The following NFATC2 variants were observed in gnomAD, a reference collection of about 807,000 sequenced individuals.
NFATC2 encodes the protein nuclear factor of activated T cells 2, also known as nuclear factor of activated T-cells, cytoplasmic 2.
In NFATC2, 22 loss-of-function variants were observed where a neutral mutation model predicts 87.3. That is an observed-to-expected ratio of 0.25 (90% CI 0.18 to 0.36). The LOEUF is 0.36. NFATC2 is among the 10% of genes least tolerant of loss of function. The pLI, the probability that NFATC2 is intolerant of heterozygous loss-of-function variation, is 1.00. For synonymous variants in NFATC2, 565 were observed against 542.2 expected (o/e 1.04, Z -0.58); for missense variants, 1,149 against 1,259.1 (o/e 0.91, Z 1.32).
chr20:51,477,577 A>G (rs1988861568), intron 3 of NFATC2, among the ~76,000 whole-genome samples: 1 of 86,374 alleles, frequency 1.2e-5, no homozygotes, highest in East Asian at 2.4e-4. Context: ...ATATATATAT[A>G]TATAAAATAA....
At chr20:51,504,278 T>C (rs1231708416) in intron 3 of NFATC2, among the ~76,000 whole-genome samples, 1 of 152,144 alleles carries the variant, frequency 6.6e-6, no homozygotes, top group Non-Finnish European at 1.5e-5. Flanking sequence ...CGCCTCAGCC[T>C]CCCAAAGTGC....
intron 1 of NFATC2, among the ~76,000 whole-genome samples, chr20:51,552,655 C>G (rs1262158629): frequency 1.3e-5 from 2 of 152,100 alleles, no homozygotes; most frequent in South Asian, 2.1e-4. Context: ...CTACTAAAAG[C>G]CAACACCCAA....
chr20:51,408,382 T>C (rs1052894130), intron 9 of NFATC2, among the ~76,000 whole-genome samples: 2 of 151,466 alleles, frequency 1.3e-5, no homozygotes, highest in Non-Finnish European at 2.9e-5. Context: ...GGTGTGGTAG[T>C]GTGTGCCTGT....
intron 3 of NFATC2, among the ~76,000 whole-genome samples, chr20:51,498,859 G>A (rs1243959855): frequency 1.3e-5 from 2 of 152,212 alleles, no homozygotes; most frequent in Non-Finnish European, 2.9e-5. Context: ...GGAGAATCAG[G>A]GGAAGCTGCT....
rs558891394 is a variant in NFATC2 at position 51,562,335 on chromosome 20, C to T, written c.70+225G>A. 2.0e-5 allele frequency among the ~76,000 whole-genome samples: 3 copies of T among 152,204 alleles called. No homozygotes were observed. The highest frequency in any genetic ancestry group is 6.5e-5 in the Admixed American group (1 of 15,290). On this transcript the variant is annotated intron_variant, in intron 1 of 10. Coordinates refer to the NFATC2 transcript ENST00000414705. This position sits in a 1 kb window ranked among gnomAD's most constrained non-coding sequence, Gnocchi z 5.8. The stretch of plus-strand genomic sequence containing the variant: ...CCCGGCCTGGGACACTTCCCTGCCC[C>T]CGCGTAAAGTTGTCCAAAGTCGCCT...
At chr20:51,542,872 C>T (rs990035597), upstream of NFATC2, among the ~76,000 whole-genome samples, 2 of 151,158 alleles carry the variant, frequency 1.3e-5, no homozygotes, top group African/African-American at 4.9e-5. Flanking sequence ...AGGAAGGAGG[C>T]TGTCCGCGGA....
In NFATC2 at chr20:51,387,825, C is replaced by T. The variant is rs1296336960; in HGVS notation, c.*3671G>A. ...TAAACTTGAAATGAAAACATTCTTT[C>T]AATTCTGAGCAATAGAAAGCACTTG... On this transcript the variant is annotated 3_prime_UTR_variant, in exon 11 of 11. Transcript: ENST00000371564. 6.8e-6 allele frequency: 1 copy of T among 146,014 alleles called. No homozygotes were observed. Among genetic ancestry groups the T allele is most frequent in the Non-Finnish European group, 1.5e-5 (1 of 66,414 alleles). The allele number at this position is 146,014 out of a possible 1,614,324, so 9.0% of individuals were successfully genotyped here.
chr20:51,524,991 G>A lies in NFATC2; in HGVS notation c.131-881C>T, dbSNP rs139187080. On this transcript the variant is annotated intron_variant, in intron 1 of 10. Transcript: ENST00000371564. This position sits in a 1 kb window ranked among gnomAD's most constrained non-coding sequence, Gnocchi z 4.0. ...TCCCGGCACTTCGGGAGGCTGAGGC[G>A]GGCAGATCACTTGCGGTCAGGAGTT... Among the ~76,000 whole-genome samples the A allele has an allele frequency of 0.039, 5,914 of 152,096 alleles. 133 individuals are homozygous for A. The highest frequency in any genetic ancestry group is 0.072 in the South Asian group (346 of 4,814).
chr20:51,399,572 C>T lies in NFATC2; in HGVS notation c.2723-842G>A, dbSNP rs1408147232. Among the ~76,000 whole-genome samples the T allele has an allele frequency of 2.0e-5, 3 of 152,216 alleles. No individual in the cohort carries two copies. The East Asian group carries it at 5.8e-4, about 29-fold the overall frequency. On this transcript the variant is annotated intron_variant, in intron 9 of 10. Transcript: ENST00000371564. ...AGACAGAATGCTCAATAAATGAGAT[C>T]CTTTCAGCGCTTATGCAGTTAGAGG...
At chr20:51,500,733 C>A (rs1299867285) in intron 3 of NFATC2, among the ~76,000 whole-genome samples, 1 of 57,550 alleles carries the variant, frequency 1.7e-5, no homozygotes, top group Non-Finnish European at 3.3e-5. Context: ...CGCCCTCACC[C>A]TCACCAACCC....
chr20:51,518,518 C>T (rs2076390706), intron 2 of NFATC2, among the ~76,000 whole-genome samples: 1 of 152,200 alleles, frequency 6.6e-6, no homozygotes, highest in Non-Finnish European at 1.5e-5. Flanking sequence ...TTTCCAACCA[C>T]ATTGCCTCCT....
At chr20:51,460,643 T>C (rs866437632) in intron 5 of NFATC2, among the ~76,000 whole-genome samples, 10 of 151,714 alleles carry the variant, frequency 6.6e-5, no homozygotes, top group Non-Finnish European at 1.3e-4. Context: ...CTTCTTCTTT[T>C]TTTTTTTTTA....
intron 5 of NFATC2, among the ~76,000 whole-genome samples, chr20:51,463,794 C>T (rs3787201): frequency 0.11 from 16,835 of 152,134 alleles, 1,488 homozygotes; most frequent in African/African-American, 0.24. Flanking sequence ...ACTGAGCAAA[C>T]GTTTAAGATG....
At chr20:51,561,368 AAG>A (rs1331677497) in intron 1 of NFATC2, among the ~76,000 whole-genome samples, 1 of 150,504 alleles carries the variant, frequency 6.6e-6, no homozygotes, top group South Asian at 2.1e-4. Context: ...AAAAGAAAGA[AAG>A]AGAGAGAAAA....
chr20:51,438,618 G>C (rs550515803), intron 6 of NFATC2, among the ~76,000 whole-genome samples: 1 of 152,104 alleles, frequency 6.6e-6, no homozygotes, highest in African/African-American at 2.4e-5. Context: ...ACAAAATGGC[G>C]GTCCAACAAA....
chr20:51,561,121 A>G (rs909171111), intron 1 of NFATC2, among the ~76,000 whole-genome samples: 1 of 141,812 alleles, frequency 7.1e-6, no homozygotes, highest in African/African-American at 2.6e-5. Flanking sequence ...AGATGATACG[A>G]TATCAGTAAA....
In NFATC2 at chr20:51,524,165, G is replaced by C. The variant is rs545489089; in HGVS notation, c.131-55C>G. 7.3e-7 allele frequency: 1 copy of C among 1,371,726 alleles called. No homozygotes were observed. The highest frequency in any genetic ancestry group is 1.5e-5 in the African/African-American group (1 of 66,340). 85.0% of individuals were successfully genotyped at this position (1,371,726 alleles called of 1,614,324 possible). A position where few individuals can be genotyped will look rare whatever the true frequency, so the allele number is the denominator to read the frequency against. On this transcript the variant is annotated intron_variant, in intron 1 of 10. Coordinates refer to ENST00000371564, the MANE Select transcript of NFATC2 (RefSeq NM_012340.5). This position sits in a 1 kb window ranked among gnomAD's most constrained non-coding sequence, Gnocchi z 4.0. ...TTTAAGCCTCAAAAACAGAACTCCC[G>C]GTGCAGAGCAATCACAGGCTGGATT...
At chr20:51,510,260 G>C (rs1162082876) in intron 3 of NFATC2, among the ~76,000 whole-genome samples, 1 of 152,172 alleles carries the variant, frequency 6.6e-6, no homozygotes, top group Non-Finnish European at 1.5e-5. Flanking sequence ...ATGGTTAAAG[G>C]GTTTGGAAGC....
At chr20:51,494,973 A>G (rs917998420) in intron 3 of NFATC2, among the ~76,000 whole-genome samples, 2 of 152,150 alleles carry the variant, frequency 1.3e-5, no homozygotes, top group African/African-American at 4.8e-5. Flanking sequence ...ACAGCCCCCA[A>G]GTGGACACCC....
Sources: gnomAD v4.1 joint callset for allele counts (sites outside exome capture counted in the v4.1 genomes callset) on GRCh38, gnomAD v4.1.1 for gene constraint, Gnocchi (gnomAD v3.1) non-coding constraint, MANE v1.5 for transcripts, NCBI Gene and HGNC (gene_info 2026-07-23, HGNC 2026-07-21) for gene names.